GLIS3: variants seen among roughly 807,000 people sequenced by gnomAD.
GLIS3 encodes GLIS family zinc finger 3, also known as zinc finger protein GLIS3.
Under a neutral mutation model 78.6 loss-of-function variants are expected in GLIS3, and 53 were observed. The observed-to-expected ratio is 0.67, with a 90% CI of 0.54 to 0.85. The LOEUF (loss-of-function observed/expected upper bound fraction) is 0.85, where lower values mean the gene tolerates loss of function less well. Ranked by LOEUF, GLIS3 falls within the 40% of genes least tolerant of loss-of-function variation. GLIS3 has a pLI of 0.00. For synonymous variants in GLIS3, 684 were observed against 509.9 expected (o/e 1.34, Z -4.60); for missense variants, 1,703 against 1,231.1 (o/e 1.38, Z -5.74).
Position 4,024,288 on chromosome 9 carries a change from A to G in GLIS3, c.1711-87099T>C, listed in dbSNP as rs77879498. On this transcript the variant is annotated intron_variant, in intron 4 of 10. Coordinates refer to ENST00000381971, the MANE Select transcript of GLIS3 (RefSeq NM_001042413.2). ...ATCCAAAGTGCTGTGTTTCCATTCT[A>G]ATTAGCATCACGGCTGTACGAGCTG... Among the ~76,000 whole-genome samples, 229 of 152,316 alleles carry G rather than the reference A, an allele frequency of 1.5e-3. 2 individuals are homozygous for G. Among genetic ancestry groups the G allele is most frequent in the African/African-American group, 5.4e-3 (224 of 41,578 alleles).
chr9:3,908,981 G>A (rs1024082560), intron 6 of GLIS3, among the ~76,000 whole-genome samples: 4 of 152,152 alleles, frequency 2.6e-5, no homozygotes, highest in Non-Finnish European at 5.9e-5. Flanking sequence ...ACAATCAAAG[G>A]CCTTTTGTTT....
chr9:4,234,430 G>A (rs35274176), intron 2 of GLIS3, among the ~76,000 whole-genome samples: 18,643 of 152,182 alleles, frequency 0.12, 1,315 homozygotes, highest in African/African-American at 0.19. Flanking sequence ...TAGGGAATGG[G>A]CACTCTGTGG....
chr9:4,185,840 C>A (rs916452758), intron 2 of GLIS3, among the ~76,000 whole-genome samples: 5 of 152,230 alleles, frequency 3.3e-5, no homozygotes, highest in Admixed American at 3.3e-4. Context: ...ATTGGCCAGA[C>A]CCAACTGGAA....
At chr9:3,851,953 G>A (rs1746924781) in intron 9 of GLIS3, among the ~76,000 whole-genome samples, 1 of 152,136 alleles carries the variant, frequency 6.6e-6, no homozygotes, top group Non-Finnish European at 1.5e-5. Context: ...GATCAGTCTA[G>A]CCAACATGGT....
chr9:4,413,662 G>C, the GLIS3 span, among the ~76,000 whole-genome samples: 8 of 152,074 alleles, frequency 5.3e-5, no homozygotes, highest in Non-Finnish European at 8.8e-5. Context: ...AACCCTAGTA[G>C]CATCCTGAAC....
At chr9:4,049,090 C>G (rs981941929) in intron 4 of GLIS3, among the ~76,000 whole-genome samples, 3 of 152,136 alleles carry the variant, frequency 2.0e-5, no homozygotes, top group African/African-American at 7.2e-5. Flanking sequence ...CCAATGATGT[C>G]TGAGCAAACT....
chr9:4,360,763 G>T, the GLIS3 span, among the ~76,000 whole-genome samples: 1 of 152,222 alleles, frequency 6.6e-6, no homozygotes, highest in Non-Finnish European at 1.5e-5. Context: ...GTTGTGTTGA[G>T]TGTGTTGAGG....
intron 2 of GLIS3, among the ~76,000 whole-genome samples, chr9:4,206,240 T>C (rs1276202941): frequency 6.6e-6 from 1 of 152,204 alleles, no homozygotes; most frequent in African/African-American, 2.4e-5. Context: ...TATATATTTA[T>C]TGAAGACATT....
At chr9:4,144,872 A>C (rs928926771) in intron 2 of GLIS3, 2 of 152,266 alleles carry the variant, frequency 1.3e-5, no homozygotes, top group African/African-American at 4.8e-5. Flanking sequence ...GTTCTGGGAA[A>C]TATTTAAGCA....
At chr9:4,128,737 G>T (rs915178175) in intron 2 of GLIS3, among the ~76,000 whole-genome samples, 2 of 152,130 alleles carry the variant, frequency 1.3e-5, no homozygotes, top group African/African-American at 2.4e-5. Flanking sequence ...TTTTACACTG[G>T]TCAAGGCTGC....
rs1340574735 is a variant in GLIS3, at chr9:4,022,900, C to T, written c.1711-85711G>A. Among the ~76,000 whole-genome samples the T allele has an allele frequency of 2.0e-5, 3 of 152,152 alleles. No individual in the cohort carries two copies. In the East Asian group the frequency reaches 5.8e-4, roughly 29 times the overall value. ...TGACAAAACCCAGATCAGCGGCTGT[C>T]TGGGGCCAGGGGCTGAAAGAAGACT... On this transcript the variant is annotated intron_variant, in intron 4 of 10. Transcript: ENST00000381971.
chr9:3,885,620 T>TAATC (rs1425399233), intron 7 of GLIS3, among the ~76,000 whole-genome samples: 3 of 152,176 alleles, frequency 2.0e-5, no homozygotes, highest in Non-Finnish European at 4.4e-5. Context: ...GAGGATAAGC[T>TAATC]AATCAATGAA....
chr9:4,385,784 A>AGAAG, the GLIS3 span, among the ~76,000 whole-genome samples: 2 of 80,894 alleles, frequency 2.5e-5, 1 homozygote, highest in East Asian at 5.0e-4. Context: ...AAAGAAAGAA[A>AGAAG]GAAAGAAAGA....
intron 4 of GLIS3, among the ~76,000 whole-genome samples, chr9:4,097,589 G>A (rs983630000): frequency 6.6e-6 from 1 of 152,166 alleles, no homozygotes; most frequent in Admixed American, 6.5e-5. Flanking sequence ...AATGCAAAAT[G>A]CCAGAGATTT....
the GLIS3 span, among the ~76,000 whole-genome samples, chr9:4,458,520 T>C: frequency 6.6e-6 from 1 of 152,180 alleles, no homozygotes; most frequent in African/African-American, 2.4e-5. Context: ...CCAGGTGCAG[T>C]GGCTCACTCC....
At position 4,074,453 on chromosome 9, in the gene GLIS3, C is replaced by T. The variant is rs1027136734; in HGVS notation, c.1710+43315G>A. Among the ~76,000 whole-genome samples, 5 of 152,188 alleles carry T rather than the reference C, an allele frequency of 3.3e-5. No homozygotes were observed. The South Asian group carries it at 6.2e-4, about 19-fold the overall frequency. On this transcript the variant is annotated intron_variant, in intron 4 of 10. Coordinates refer to ENST00000381971, the MANE Select transcript of GLIS3 (RefSeq NM_001042413.2). ...GCTGATGTCATCAAGCCCCACAATC[C>T]TGAGAGATTCAGACAAATTTCCATC...
At chr9:4,025,870 T>C (rs1189172044) in intron 4 of GLIS3, among the ~76,000 whole-genome samples, 1 of 152,178 alleles carries the variant, frequency 6.6e-6, no homozygotes, top group Non-Finnish European at 1.5e-5. Flanking sequence ...ATGGGGAGTT[T>C]TATAAATGAA....
Position 4,205,994 on chromosome 9 carries a change from C to T in GLIS3, c.388+80044G>A, listed in dbSNP as rs190057767. Reference sequence around the variant, plus strand: ...TTGTTTGTTTGTTTGCTTGCTTGTTCCAAGATGCAAGATACCTGAATCTGA... The same window carrying T: ...TTGTTTGTTTGTTTGCTTGCTTGTTTCAAGATGCAAGATACCTGAATCTGA... On this transcript the variant is annotated intron_variant, in intron 2 of 10. Transcript: ENST00000381971. Among the ~76,000 whole-genome samples the T allele has an allele frequency of 7.3e-3, 1,105 of 152,034 alleles. 5 individuals carry two copies. The highest frequency in any genetic ancestry group is 0.017 in the Middle Eastern group (5 of 294).
At chr9:4,185,345 T>C (rs774605963) in intron 2 of GLIS3, among the ~76,000 whole-genome samples, 14 of 152,202 alleles carry the variant, frequency 9.2e-5, no homozygotes, top group South Asian at 4.1e-4. Flanking sequence ...ATTTTGTTTA[T>C]CCATTCACCA....
Sources: allele counts gnomAD v4.1 joint callset (sites outside exome capture counted in the v4.1 genomes callset), GRCh38; gene constraint gnomAD v4.1.1; transcripts MANE v1.5; gene names NCBI Gene and HGNC (gene_info 2026-07-23, HGNC 2026-07-21).